DLGAP1: variants seen among roughly 807,000 people sequenced by gnomAD.
DLGAP1 encodes DLG associated protein 1, also known as disks large-associated protein 1.
Under a neutral mutation model 90.8 loss-of-function variants are expected in DLGAP1, and 11 were observed. That is an observed-to-expected ratio of 0.12 (90% CI 0.08 to 0.20). The LOEUF is 0.20. Among genes scored for constraint, DLGAP1 ranks in the 10% least tolerant of loss-of-function variants. The pLI, the probability that DLGAP1 is intolerant of heterozygous loss-of-function variation, is 1.00. For synonymous variants in DLGAP1, 558 were observed against 540.7 expected, an observed-to-expected ratio of 1.03 and a Z score of -0.44; for missense variants, 1,050 against 1,333.8, an observed-to-expected ratio of 0.79 and a Z score of 3.31.
At chr18:4,247,776 TA>T (rs112906193) in intron 1 of DLGAP1, among the ~76,000 whole-genome samples, 1 of 151,144 alleles carries the variant, frequency 6.6e-6, no homozygotes, top group African/African-American at 2.4e-5. Flanking sequence ...GACTCCATCT[TA>T]AAAAAAAAGT....
At chr18:3,925,132 T>C (rs962763465) in intron 3 of DLGAP1, among the ~76,000 whole-genome samples, 52 of 152,086 alleles carry the variant, frequency 3.4e-4, no homozygotes, top group Non-Finnish European at 7.2e-4. Context: ...TTTGTATTTT[T>C]AGTAGAGATG....
At chr18:4,086,906 T>C (rs1199838946) in intron 2 of DLGAP1, among the ~76,000 whole-genome samples, 1 of 151,568 alleles carries the variant, frequency 6.6e-6, no homozygotes, top group Non-Finnish European at 1.5e-5. Context: ...ATATCTCCTT[T>C]TAGTTCTATT....
chr18:3,858,528 G>GCA (rs148706272), intron 4 of DLGAP1, among the ~76,000 whole-genome samples: 2,979 of 139,972 alleles, frequency 0.021, 91 homozygotes, highest in African/African-American at 0.069. Flanking sequence ...ATATATATAT[G>GCA]CACACACACA....
chr18:3,534,652 T>A, intron 9 of DLGAP1, 37 bp from the exon 10 acceptor site: 1 of 1,472,286 alleles, frequency 6.8e-7, no homozygotes. Context: ...AGTTAGAGGA[T>A]ATTTCTTTCT....
At chr18:4,196,282 A>T (rs145430617) in intron 1 of DLGAP1, among the ~76,000 whole-genome samples, 8 of 152,216 alleles carry the variant, frequency 5.3e-5, no homozygotes, top group Admixed American at 2.0e-4. Flanking sequence ...GTAAGAGAAC[A>T]TAAGGGTGGA....
intron 5 of DLGAP1, among the ~76,000 whole-genome samples, chr18:3,745,793 G>A (rs1022876053): frequency 1.3e-5 from 2 of 152,084 alleles, no homozygotes; most frequent in Non-Finnish European, 2.9e-5. Flanking sequence ...GGGTTCAAGC[G>A]ATTCTCCTGC....
chr18:4,025,385 G>T (rs1235399874), intron 2 of DLGAP1, among the ~76,000 whole-genome samples: 4 of 151,906 alleles, frequency 2.6e-5, no homozygotes, highest in Non-Finnish European at 5.9e-5. Flanking sequence ...TTCAGATTTG[G>T]GATGCTGATC....
chr18:3,903,968 T>C, intron 3 of DLGAP1, among the ~76,000 whole-genome samples: 1 of 152,338 alleles, frequency 6.6e-6, no homozygotes, highest in East Asian at 1.9e-4. Context: ...CTCTTTTGCA[T>C]GATCTCCTAG....
intron 4 of DLGAP1, among the ~76,000 whole-genome samples, chr18:3,833,031 T>C: frequency 6.6e-6 from 1 of 152,184 alleles, no homozygotes; most frequent in Non-Finnish European, 1.5e-5. Context: ...TCAAATAGCT[T>C]TCTAAAGGAG....
chr18:4,087,912 A>G (rs2075710616), intron 2 of DLGAP1, among the ~76,000 whole-genome samples: 1 of 152,062 alleles, frequency 6.6e-6, no homozygotes, highest in Non-Finnish European at 1.5e-5. Context: ...GACCATTGAC[A>G]TCTGTGTCAC....
intron 1 of DLGAP1, among the ~76,000 whole-genome samples, chr18:4,169,993 A>C: frequency 6.6e-6 from 1 of 152,156 alleles, no homozygotes; most frequent in East Asian, 1.9e-4. Context: ...GTCAGAATTA[A>C]ATGAGGCAAT....
At chr18:3,892,884 AG>A (rs1257556647) in intron 3 of DLGAP1, among the ~76,000 whole-genome samples, 1 of 147,888 alleles carries the variant, frequency 6.8e-6, no homozygotes, top group African/African-American at 2.5e-5. Flanking sequence ...ATATATATAA[AG>A]AATTATAAAT....
At chr18:3,723,566 G>T (rs12953525) in intron 7 of DLGAP1, among the ~76,000 whole-genome samples, 11 of 152,098 alleles carry the variant, frequency 7.2e-5, no homozygotes, top group South Asian at 2.1e-4. Flanking sequence ...GTTTGTGTGG[G>T]GGGGGAGTGG....
chr18:4,426,875 T>A (rs1218149228), intron 1 of DLGAP1, among the ~76,000 whole-genome samples: 2 of 152,144 alleles, frequency 1.3e-5, no homozygotes, highest in African/African-American at 4.8e-5. Flanking sequence ...TGAAGGGACA[T>A]AACTGTAATG....
At chr18:3,543,085 C>T (rs2052784255) in intron 9 of DLGAP1, among the ~76,000 whole-genome samples, 1 of 152,012 alleles carries the variant, frequency 6.6e-6, no homozygotes, top group Non-Finnish European at 1.5e-5. Flanking sequence ...TAGTCAACTC[C>T]CAAATTTTAG....
intron 1 of DLGAP1, among the ~76,000 whole-genome samples, chr18:4,404,965 A>C (rs1395269039): frequency 6.6e-6 from 1 of 152,230 alleles, no homozygotes; most frequent in African/African-American, 2.4e-5. Flanking sequence ...TAGTTCTTTG[A>C]GAAAATAACT....
chr18:3,614,038 C>A (rs181567058), intron 7 of DLGAP1, among the ~76,000 whole-genome samples: 2 of 152,120 alleles, frequency 1.3e-5, no homozygotes, highest in African/African-American at 4.8e-5. Flanking sequence ...TCCCCTGCCT[C>A]GGCCTCCCAG....
chr18:4,197,490 T>A (rs2077523199), intron 1 of DLGAP1, among the ~76,000 whole-genome samples: 1 of 152,044 alleles, frequency 6.6e-6, no homozygotes, highest in African/African-American at 2.4e-5. Flanking sequence ...AAGTCTGTAT[T>A]GGAGGAAGAT....
At chr18:3,959,370 C>G (rs955190305) in intron 3 of DLGAP1, among the ~76,000 whole-genome samples, 5 of 152,002 alleles carry the variant, frequency 3.3e-5, no homozygotes, top group African/African-American at 1.2e-4. Context: ...AGCTCTTAAT[C>G]AGAAACACAA....
Sources: gnomAD v4.1 joint callset for allele counts (sites outside exome capture counted in the v4.1 genomes callset) on GRCh38, gnomAD v4.1.1 for gene constraint, MANE v1.5 for transcripts, NCBI Gene and HGNC (gene_info 2026-07-23, HGNC 2026-07-21) for gene names.